The following GALNT5 variants were observed in gnomAD, a reference collection of about 807,000 sequenced individuals.
GALNT5 encodes UDP-GalNAc:polypeptide N-acetylgalactosaminyltransferase 5.
In GALNT5, 72 loss-of-function variants were observed where a neutral mutation model predicts 85.4. The ratio of observed to expected loss-of-function variants is 0.84; its 90% CI spans 0.70 to 1.03. The LOEUF (loss-of-function observed/expected upper bound fraction) is 1.03. Among genes scored for constraint, GALNT5 ranks in the 50% least tolerant of loss-of-function variants. GALNT5 has a pLI of 0.00. For missense variants in GALNT5, 1,137 were observed against 1,135.5 expected, an observed-to-expected ratio of 1.00 and a Z score of -0.02; for synonymous variants, 404 against 397.0, an observed-to-expected ratio of 1.02 and a Z score of -0.21.
intron 1 of GALNT5, among the ~76,000 whole-genome samples, chr2:157,270,446 G>A (rs1682557601): frequency 6.6e-6 from 1 of 152,050 alleles, no homozygotes; most frequent in Non-Finnish European, 1.5e-5. Flanking sequence ...TTCTCCTCAA[G>A]CCCCTAGCCT....
chr2:157,299,385 C>T (rs1338078213), intron 5 of GALNT5, among the ~76,000 whole-genome samples, 163 bp from the exon 6 acceptor site: 1 of 152,140 alleles, frequency 6.6e-6, no homozygotes, highest in East Asian at 1.9e-4. Context: ...ATCCAGGGAT[C>T]GCATCACTTA....
intron 3 of GALNT5, among the ~76,000 whole-genome samples, chr2:157,291,964 C>A (rs1029447884): frequency 3.9e-5 from 6 of 152,108 alleles, no homozygotes; most frequent in Admixed American, 6.6e-5. Flanking sequence ...TTGATCACTA[C>A]ACACTTTATG....
At chr2:157,286,278 AT>A (rs1461800004) in intron 3 of GALNT5, 144 bp downstream of exon 3, 18 of 664,748 alleles carry the variant, frequency 2.7e-5, no homozygotes, top group Non-Finnish European at 4.7e-5. Context: ...AGTTTTTATA[AT>A]ATGTGCTTTA....
At chr2:157,268,109 T>A (rs1371863500) in intron 1 of GALNT5, among the ~76,000 whole-genome samples, 1 of 152,176 alleles carries the variant, frequency 6.6e-6, no homozygotes, top group East Asian at 1.9e-4. Flanking sequence ...TAAGAAAATA[T>A]TCTCCTTGAC....
intron 7 of GALNT5, chr2:157,302,392 C>T (rs1443696083): frequency 6.6e-6 from 1 of 152,102 alleles, no homozygotes; most frequent in Non-Finnish European, 1.5e-5. Flanking sequence ...GTTTATGTGA[C>T]CTGTTTTTAG....
chr2:157,290,112 T>TATATATATATATATAC (rs1416458086), intron 3 of GALNT5, among the ~76,000 whole-genome samples: 6 of 138,232 alleles, frequency 4.3e-5, no homozygotes, highest in African/African-American at 9.2e-5. Context: ...TATATATATA[T>TATATATATATATATAC]ACATACACAA....
chr2:157,288,301 T>C (rs977062392), intron 3 of GALNT5, among the ~76,000 whole-genome samples: 1 of 152,248 alleles, frequency 6.6e-6, no homozygotes, highest in Admixed American at 6.5e-5. Context: ...AAAATTGGCA[T>C]TGCAGTGACA....
chr2:157,280,794 T>C (rs1023243493), intron 1 of GALNT5, among the ~76,000 whole-genome samples: 1 of 152,124 alleles, frequency 6.6e-6, no homozygotes, highest in Non-Finnish European at 1.5e-5. Context: ...CTTAGTGCCA[T>C]CCCCTTGGTG....
At chr2:157,308,486 C>T (rs185520999) in intron 8 of GALNT5, 81 bp from the exon 9 acceptor site, 2 of 1,005,416 alleles carry the variant, frequency 2.0e-6, no homozygotes, top group Non-Finnish European at 3.0e-6. Context: ...ATATTCTTAA[C>T]TGTTGCTAAC....
In GALNT5 at chr2:157,317,580, T is replaced by C. The variant is rs936971000; in HGVS notation, c.*6232T>C. 6.6e-6 allele frequency among the ~76,000 whole-genome samples: 1 copy of C among 152,122 alleles called. No individual in the cohort carries two copies. Among genetic ancestry groups the C allele is most frequent in the Non-Finnish European group, 1.5e-5 (1 of 67,976 alleles). ...ACATTTGCTAAGGGGAGAATAAAACTAAAACTGTGGAGTATAAAGGATGTT... is the reference window on the plus strand; with the variant it reads ...ACATTTGCTAAGGGGAGAATAAAACCAAAACTGTGGAGTATAAAGGATGTT... On this transcript the variant is annotated 3_prime_UTR_variant, in exon 10 of 10. Coordinates refer to ENST00000259056, the MANE Select transcript of GALNT5 (RefSeq NM_014568.3).
intron 7 of GALNT5, among the ~76,000 whole-genome samples, chr2:157,303,205 T>C (rs564195559): frequency 2.0e-5 from 3 of 152,214 alleles, no homozygotes; most frequent in Non-Finnish European, 4.4e-5. Flanking sequence ...TGGATTAAAC[T>C]GCTGGCAAAC....
Position 157,316,979 on chromosome 2 carries a change from T to A in GALNT5, c.*5631T>A, listed in dbSNP as rs138051245. Among the ~76,000 whole-genome samples, 1,263 of 151,892 alleles carry A rather than the reference T, an allele frequency of 8.3e-3. 15 individuals are homozygous for A. Among genetic ancestry groups the A allele is most frequent in the African/African-American group, 0.029 (1,195 of 41,480 alleles). ...GTCACCATCAAATAAGTAATAAATA[T>A]TTTTTTCAAAAACAAGAGCTTTCTG... On this transcript the variant is annotated 3_prime_UTR_variant, in exon 10 of 10. Coordinates refer to ENST00000259056, the MANE Select transcript of GALNT5 (RefSeq NM_014568.3).
At chr2:157,284,586 C>T (rs937882215) in intron 2 of GALNT5, 138 bp downstream of exon 2, 3 of 670,794 alleles carry the variant, frequency 4.5e-6, no homozygotes, top group Non-Finnish European at 7.8e-6. Context: ...TTACGTGGAG[C>T]CTCAGAGACA....
chr2:157,303,707 T>C (rs1169404419), intron 7 of GALNT5, among the ~76,000 whole-genome samples: 2 of 152,136 alleles, frequency 1.3e-5, no homozygotes, highest in Non-Finnish European at 2.9e-5. Flanking sequence ...TCCTCAGTAA[T>C]TTCTAAGAAA....
intron 5 of GALNT5, 56 bp downstream of exon 5, chr2:157,296,569 T>A: frequency 7.0e-7 from 1 of 1,429,746 alleles, no homozygotes; most frequent in Non-Finnish European, 9.8e-7. Context: ...TGTAAAAGCA[T>A]TAAAAAATTC....
At position 157,258,263 on chromosome 2, in the gene GALNT5, C is replaced by A. The variant is rs769951703; in HGVS notation, c.181C>A (p.Pro61Thr). Residue 61 changes from proline to threonine, a missense_variant, in exon 1 of 10, where the codon CCA (proline) becomes ACA (threonine). Physicochemically the swap from Pro to Thr is conservative, Grantham distance 38. Coordinates refer to ENST00000259056, the MANE Select transcript of GALNT5 (RefSeq NM_014568.3). ...RRERIGFRVQ[P>T]DQGKIFYSSI... ...GGAGCGGATAGGATTCAGAGTTCAGCCAGACCAAGGAAAAATTTTTTACAG... is the reference window on the plus strand; with the variant it reads ...GGAGCGGATAGGATTCAGAGTTCAGACAGACCAAGGAAAAATTTTTTACAG... 6.2e-7 allele frequency: 1 copy of A among 1,605,434 alleles called. No homozygotes were observed. The highest frequency in any genetic ancestry group is 1.1e-5 in the South Asian group (1 of 89,706).
At chr2:157,308,776 A>AAAAG in intron 9 of GALNT5, 48 bp downstream of exon 9, 1 of 1,449,540 alleles carries the variant, frequency 6.9e-7, no homozygotes, top group Non-Finnish European at 9.5e-7. Context: ...TTGACTTTTG[A>AAAAG]TCAAATAGGA....
At chr2:157,263,898 T>G (rs1463966883) in intron 1 of GALNT5, among the ~76,000 whole-genome samples, 1 of 152,214 alleles carries the variant, frequency 6.6e-6, no homozygotes, top group Non-Finnish European at 1.5e-5. Context: ...TGTTTATCCC[T>G]TATTTTATAT....
intron 3 of GALNT5, among the ~76,000 whole-genome samples, chr2:157,292,925 A>G (rs1683131356): frequency 6.6e-6 from 1 of 152,078 alleles, no homozygotes; most frequent in Admixed American, 6.6e-5. Context: ...GATGGCCTTG[A>G]TCTCTCAGCC....
Sources: gnomAD v4.1 joint callset for allele counts (sites outside exome capture counted in the v4.1 genomes callset) on GRCh38, gnomAD v4.1.1 for gene constraint, MANE v1.5 for transcripts, NCBI Gene and HGNC (gene_info 2026-07-23, HGNC 2026-07-21) for gene names.